Variants in EXD2 observed in about 807,000 individuals in gnomAD.
EXD2 encodes the protein exonuclease 3'-5' domain-containing protein 2.
A neutral mutation model predicts 62.5 loss-of-function variants in EXD2; 40 were observed. The ratio of observed to expected loss-of-function variants is 0.64; its 90% CI spans 0.50 to 0.83. EXD2 has a LOEUF of 0.83. EXD2 is among the 40% of genes least tolerant of loss of function. EXD2 has a pLI of 0.00. For missense variants in EXD2, 671 were observed against 761.8 expected (o/e 0.88, Z 1.40); for synonymous variants, 239 against 291.9 (o/e 0.82, Z 1.85).
chr14:69,241,794 G>T lies in EXD2; in HGVS notation c.*694G>T, dbSNP rs559882792. On this transcript the variant is annotated 3_prime_UTR_variant, in exon 10 of 10. Transcript: ENST00000685843. ...GACATGAGCCTTTGACCTGGGTGGG[G>T]CAGAAAGAACCACAAACTCCATCTC... The T allele has an allele frequency of 5.0e-5, 20 of 398,774 alleles. 2 individuals carry two copies. In the South Asian group the frequency reaches 2.5e-3, roughly 49 times the overall value. The allele number at this position is 398,774 out of a possible 1,614,324, so 24.7% of individuals were successfully genotyped here.
chr14:69,233,374 A>G (rs2043652643), intron 5 of EXD2, among the ~76,000 whole-genome samples: 2 of 151,928 alleles, frequency 1.3e-5, no homozygotes, highest in Admixed American at 1.3e-4. Flanking sequence ...GGGAAAAGCT[A>G]TTAATTTTAG....
chr14:69,240,435 C>T (rs1279293291), intron 9 of EXD2, among the ~76,000 whole-genome samples: 1 of 152,172 alleles, frequency 6.6e-6, no homozygotes, highest in Non-Finnish European at 1.5e-5. Flanking sequence ...TTGCATTTGA[C>T]ATTCAGTTAT....
chr14:69,233,742 A>G (rs1594778986), intron 5 of EXD2, among the ~76,000 whole-genome samples: 1 of 148,446 alleles, frequency 6.7e-6, no homozygotes. Flanking sequence ...CACCCAGCCG[A>G]ATTTTAGTTT....
Position 69,229,025 on chromosome 14 carries a change from C to T in EXD2, c.543C>T (p.Leu181=), listed in dbSNP as rs778197028. The T allele has an allele frequency of 3.0e-5, 48 of 1,614,012 alleles. 1 individual carries two copies. The highest frequency in any genetic ancestry group is 8.3e-5 in the Admixed American group (5 of 59,992). ...DASKLLQDYG[L]VVRGCLDLRY... ...GCAAGCTTCTGCAGGATTATGGCCT[C>T]GTTGTTAGGGGGTGCCTGGACCTCC... Residue 181 remains leucine (L), a synonymous_variant, in exon 4 of 10, where the codon CTC becomes CTT. Transcript: ENST00000685843.
intron 1 of EXD2, among the ~76,000 whole-genome samples, chr14:69,193,062 T>C (rs113886051): frequency 2.1e-3 from 183 of 87,544 alleles, no homozygotes; most frequent in Non-Finnish European, 3.6e-3. Context: ...CTCTCTCTCT[T>C]TTTTTTTTTT....
intron 2 of EXD2, among the ~76,000 whole-genome samples, chr14:69,208,628 A>T (rs555199286): frequency 6.6e-6 from 1 of 152,236 alleles, no homozygotes; most frequent in African/African-American, 2.4e-5. Flanking sequence ...AGAAAGCCAC[A>T]TGTTACAGAA....
At chr14:69,191,965 C>G (rs1004350194) in intron 1 of EXD2, 1 of 152,326 alleles carries the variant, frequency 6.6e-6, no homozygotes, top group African/African-American at 2.4e-5. Flanking sequence ...GAGGCCCCGC[C>G]CGCGGCACCT....
intron 9 of EXD2, among the ~76,000 whole-genome samples, chr14:69,240,544 G>A (rs939632989): frequency 1.3e-5 from 2 of 152,126 alleles, no homozygotes; most frequent in Non-Finnish European, 2.9e-5. Flanking sequence ...GGGTGAACTG[G>A]TCACTGGGTA....
intron 3 of EXD2, among the ~76,000 whole-genome samples, chr14:69,219,811 A>AT (rs914514430): frequency 6.6e-6 from 1 of 151,888 alleles, no homozygotes; most frequent in Non-Finnish European, 1.5e-5. Context: ...CGTCCTTGTC[A>AT]TTTTTTCTTT....
chr14:69,214,798 T>C (rs960542171), intron 3 of EXD2, among the ~76,000 whole-genome samples: 6 of 152,302 alleles, frequency 3.9e-5, no homozygotes, highest in African/African-American at 1.4e-4. Flanking sequence ...ATTTTACCTG[T>C]TTTTTAAATT....
intron 1 of EXD2, among the ~76,000 whole-genome samples, chr14:69,192,349 A>G (rs1270043171): frequency 6.6e-6 from 1 of 152,184 alleles, no homozygotes; most frequent in Non-Finnish European, 1.5e-5. Context: ...GGTTTTGTTA[A>G]TCATAGGAAT....
intron 3 of EXD2, among the ~76,000 whole-genome samples, chr14:69,215,117 GT>G (rs2042945681): frequency 6.6e-6 from 1 of 151,946 alleles, no homozygotes; most frequent in South Asian, 2.1e-4. Context: ...GTGAAACCCC[GT>G]CTCTACTAAA....
chr14:69,220,733 G>A (rs1320113416), intron 3 of EXD2, among the ~76,000 whole-genome samples: 6 of 151,766 alleles, frequency 4.0e-5, no homozygotes, highest in Non-Finnish European at 7.4e-5. Flanking sequence ...GCCGGGCTTG[G>A]TTGTGGGTGC....
chr14:69,224,040 CT>C (rs1037056390), intron 3 of EXD2: 214 of 145,820 alleles, frequency 1.5e-3, no homozygotes, highest in Admixed American at 1.6e-3. Context: ...GTGCCACACA[CT>C]TTTTTTTTTT....
intron 3 of EXD2, chr14:69,214,155 G>A (rs1338275504): frequency 6.6e-6 from 1 of 152,134 alleles, no homozygotes; most frequent in East Asian, 1.9e-4. Context: ...ATAACTGTCA[G>A]TCTATACCTT....
Position 69,231,056 on chromosome 14 carries a change from C to T in EXD2, c.717+458C>T, listed in dbSNP as rs117437872. ...CACCTCAACCTCCAGGTGTGAGCTA[C>T]CGAGCCTGGCCAAGAGTCCTGATTT... is the stretch of plus-strand genomic sequence containing the variant. On this transcript the variant is annotated intron_variant, in intron 5 of 9. Coordinates refer to ENST00000685843, the MANE Select transcript of EXD2 (RefSeq NM_001193360.2). Among the ~76,000 whole-genome samples the T allele has an allele frequency of 4.3e-4, 66 of 152,244 alleles. No individual in the cohort carries two copies. In the East Asian group the frequency reaches 0.012, roughly 28 times the overall value.
At chr14:69,217,845 T>C (rs2043037481) in intron 3 of EXD2, among the ~76,000 whole-genome samples, 1 of 152,204 alleles carries the variant, frequency 6.6e-6, no homozygotes, top group African/African-American at 2.4e-5. Flanking sequence ...CAACTTCATC[T>C]ATGTCCCTAC....
intron 3 of EXD2, chr14:69,228,157 C>T (rs1356617646): frequency 6.9e-6 from 1 of 145,376 alleles, no homozygotes; most frequent in African/African-American, 2.5e-5. Context: ...TCATTTCTCA[C>T]TCTACTCCTG....
At chr14:69,206,734 G>A (rs1030260675) in intron 2 of EXD2, among the ~76,000 whole-genome samples, 5 of 151,930 alleles carry the variant, frequency 3.3e-5, no homozygotes, top group African/African-American at 4.8e-5. Flanking sequence ...CACCTGCCTC[G>A]GCCTCCCAAA....
Sources: gnomAD v4.1 joint callset for allele counts (sites outside exome capture counted in the v4.1 genomes callset) on GRCh38, gnomAD v4.1.1 for gene constraint, MANE v1.5 for transcripts, NCBI Gene and HGNC (gene_info 2026-07-23, HGNC 2026-07-21) for gene names.